Variants in TMEM171 observed in about 807,000 individuals in gnomAD.
TMEM171 encodes transmembrane protein 171, also known as proline-rich protein PRP2.
A neutral mutation model predicts 19.1 loss-of-function variants in TMEM171; 16 were observed. The ratio of observed to expected loss-of-function variants is 0.84; its 90% CI spans 0.57 to 1.27. The LOEUF is 1.27. Among genes scored for constraint, TMEM171 ranks in the 50% most tolerant of loss-of-function variants. TMEM171 has a pLI of 0.00. For missense variants in TMEM171, 429 were observed against 412.7 expected (o/e 1.04, Z -0.34); for synonymous variants, 153 against 163.4 (o/e 0.94, Z 0.48).
intron 2 of TMEM171, among the ~76,000 whole-genome samples, chr5:73,127,381 A>AT (rs1561513319): frequency 0.02 from 1,883 of 91,984 alleles, 49 homozygotes; most frequent in Admixed American, 0.067. Context: ...AAAAAAAAAA[A>AT]AAAATATATA....
In TMEM171 at chr5:73,123,817, A is replaced by G. The variant is rs1243128136; in HGVS notation, c.444A>G (p.Thr148=). Residue 148 remains threonine (T), a synonymous_variant, in exon 2 of 4, where the codon ACA becomes ACG. Transcript: ENST00000454765. The stretch of plus-strand genomic sequence containing the variant: ...GGGCGCAGGAACCGCTAAACGAGAC[A>G]GACACTGGCGACTCAGAGCCCCGGA... The part of the protein sequence containing the change: ...SNWAQEPLNE[T]DTGDSEPRMC... 2 of 1,612,580 alleles carry G rather than the reference A, an allele frequency of 1.2e-6. No homozygotes were observed. The highest frequency in any genetic ancestry group is 1.7e-6 in the Non-Finnish European group (2 of 1,179,120).
intron 3 of TMEM171, among the ~76,000 whole-genome samples, chr5:73,130,075 A>T (rs756103598): frequency 2.0e-5 from 3 of 151,774 alleles, no homozygotes; most frequent in Non-Finnish European, 4.4e-5. Context: ...AGAAGACGTG[A>T]GTGATGAGCT....
intron 3 of TMEM171, among the ~76,000 whole-genome samples, chr5:73,130,803 A>T (rs1744333949): frequency 6.6e-6 from 1 of 152,040 alleles, no homozygotes; most frequent in South Asian, 2.1e-4. Flanking sequence ...TAGAATTCTC[A>T]TCGTGAATGT....
chr5:73,121,089 T>C (rs190594260), intron 1 of TMEM171, among the ~76,000 whole-genome samples: 207 of 152,244 alleles, frequency 1.4e-3, no homozygotes, highest in African/African-American at 4.6e-3. Context: ...TATCCGTTTG[T>C]GAGTGCATCT....
Position 73,124,006 on chromosome 5 carries a change from C to T in TMEM171, c.633C>T (p.Val211=). 1 of 1,549,936 alleles carries T rather than the reference C, an allele frequency of 6.5e-7. No homozygotes were observed. Among genetic ancestry groups the T allele is most frequent in the East Asian group, 2.3e-5 (1 of 44,316 alleles). ...TCCAGATTATGGAGCCTGTCCAGGT[C>T]ACTGTAGGTGGGTTGCTGTTATTTG... ...GQIQIMEPVQ[V]TVGDSVIIFP... The change falls in exon 2 of 4, where the codon GTC becomes GTT. Residue 211 remains valine, a synonymous_variant. Coordinates refer to ENST00000454765, the MANE Select transcript of TMEM171 (RefSeq NM_173490.8).
intron 2 of TMEM171, among the ~76,000 whole-genome samples, chr5:73,127,384 AATATAT>A (rs59879336): frequency 5.4e-4 from 44 of 81,698 alleles, no homozygotes; most frequent in African/African-American, 1.7e-3. Context: ...AAAAAAAAAA[AATATAT>A]ATATATATAT....
In TMEM171 at chr5:73,123,992, G is replaced by C. The variant is rs1340486325; in HGVS notation, c.619G>C (p.Glu207Gln). ...AGAAGAGGGACAGATCCAGATTATG[G>C]AGCCTGTCCAGGTCACTGTAGGTGG... ...EREEGQIQIM[E>Q]PVQVTVGDSV... Residue 207 changes from glutamate (E) to glutamine (Q), a missense_variant, in exon 2 of 4, where the codon GAG (glutamate) becomes CAG (glutamine). Physicochemically the swap from Glu to Gln is conservative, Grantham distance 29. Transcript: ENST00000454765. The C allele has an allele frequency of 6.4e-7, 1 of 1,572,308 alleles. No homozygotes were observed. Among genetic ancestry groups the C allele is most frequent in the Admixed American group, 1.9e-5 (1 of 53,032 alleles).
intron 3 of TMEM171, among the ~76,000 whole-genome samples, chr5:73,130,396 G>C (rs1310864766): frequency 6.6e-6 from 1 of 152,172 alleles, no homozygotes; most frequent in Non-Finnish European, 1.5e-5. Flanking sequence ...ATTGTCACAG[G>C]GTGAAGCAGG....
intron 1 of TMEM171, among the ~76,000 whole-genome samples, chr5:73,121,325 C>T (rs1190140746): frequency 6.6e-6 from 1 of 152,092 alleles, no homozygotes; most frequent in Non-Finnish European, 1.5e-5. Context: ...ACTTTGCAGC[C>T]GAGAATCACC....
Position 73,123,289 on chromosome 5 carries a change from T to A in TMEM171, c.-68-17T>A, listed in dbSNP as rs1490459064. ...CACCTGTGCCCACGTTAATTTGGTG[T>A]TTGGTTGTGTTTGCAGAGCTGCTGA... On this transcript the variant is annotated splice_polypyrimidine_tract_variant and intron_variant, in intron 1 of 3. Transcript: ENST00000454765. 1.3e-6 allele frequency: 2 copies of A among 1,520,800 alleles called. No individual in the cohort carries two copies. The highest frequency in any genetic ancestry group is 1.8e-6 in the Non-Finnish European group (2 of 1,134,996). The allele number at this position is 1,520,800 out of a possible 1,614,324, so 94.2% of individuals were successfully genotyped here.
rs780490129 is a variant in TMEM171, at chr5:73,123,478, G to A, written c.105G>A (p.Val35=). Residue 35 remains valine (V), a synonymous_variant, in exon 2 of 4, where the codon GTG becomes GTA. Coordinates refer to ENST00000454765, the MANE Select transcript of TMEM171 (RefSeq NM_173490.8). The part of the protein sequence containing the change: ...FFVFGAVLLC[V]GVLLSIFGFQ... ...TCTTCGGCGCCGTCTTGTTGTGTGT[G>A]GGAGTCCTGCTCTCCATCTTTGGGT... The A allele has an allele frequency of 6.2e-7, 1 of 1,614,062 alleles. No homozygotes were observed. Among genetic ancestry groups the A allele is most frequent in the Non-Finnish European group, 8.5e-7 (1 of 1,180,026 alleles).
chr5:73,131,299 A>G (rs1487389953), intron 3 of TMEM171, among the ~76,000 whole-genome samples: 1 of 152,020 alleles, frequency 6.6e-6, no homozygotes, highest in East Asian at 1.9e-4. Context: ...TGTCTTTTCA[A>G]TGACAAAGGG....
intron 2 of TMEM171, among the ~76,000 whole-genome samples, chr5:73,125,208 T>C (rs1342738184): frequency 6.6e-6 from 1 of 152,220 alleles, no homozygotes; most frequent in Non-Finnish European, 1.5e-5. Context: ...ATATTTATGG[T>C]GACAACACAA....
chr5:73,121,697 A>G (rs533672954), intron 1 of TMEM171, among the ~76,000 whole-genome samples: 4 of 152,110 alleles, frequency 2.6e-5, no homozygotes, highest in East Asian at 1.9e-4. Context: ...TGATTCTATC[A>G]TACTTTTTCC....
In TMEM171 at chr5:73,128,543, A is replaced by C; in HGVS notation, c.782+12A>C. Reference sequence around the variant, plus strand: ...ATTTTCAACTATGGGTAAGAATTTCAATTTGAACTTCAAGAGAGGCCTGAA... The same window carrying C: ...ATTTTCAACTATGGGTAAGAATTTCCATTTGAACTTCAAGAGAGGCCTGAA... On this transcript the variant is annotated intron_variant, in intron 3 of 3. Transcript: ENST00000454765. 6.2e-7 allele frequency: 1 copy of C among 1,613,648 alleles called. No individual in the cohort carries two copies. The highest frequency in any genetic ancestry group is 8.5e-7 in the Non-Finnish European group (1 of 1,179,624).
At position 73,123,694 on chromosome 5, in the gene TMEM171, C is replaced by A. The variant is rs769751193; in HGVS notation, c.321C>A (p.Arg107=). The A allele has an allele frequency of 1.2e-6, 2 of 1,614,218 alleles. No homozygotes were observed. The highest frequency in any genetic ancestry group is 1.7e-6 in the Non-Finnish European group (2 of 1,180,040). ...GAGCCTTCATCTGTGGAGAGAGCCG[C>A]CAGTTTGCCCAGTGCCTTATCTTTG... ...PDRAFICGES[R]QFAQCLIFGF... The change falls in exon 2 of 4, where the codon CGC becomes CGA. Residue 107 remains arginine (R), a synonymous_variant. Coordinates refer to ENST00000454765, the MANE Select transcript of TMEM171 (RefSeq NM_173490.8).
rs141624186 is a variant in TMEM171 at position 73,131,606 on chromosome 5, C to T, written c.851C>T (p.Thr284Met). ...DCESIYTISG[T>M]NSSSEASHTP... ...GAATCTATATATACCATTTCTGGGA[C>T]GAATTCATCTTCTGAGGCCTCACAC... is the stretch of plus-strand genomic sequence containing the variant. The change falls in exon 4 of 4, where the codon ACG (threonine) becomes ATG (methionine). Residue 284 changes from threonine (T) to methionine (M), a missense_variant. Transcript: ENST00000454765. The T allele has an allele frequency of 2.7e-5, 43 of 1,613,598 alleles. No homozygotes were observed. Among genetic ancestry groups the T allele is most frequent in the Admixed American group, 1.8e-4 (11 of 59,944 alleles).
chr5:73,131,516 T>C (rs771363908), intron 3 of TMEM171, 22 bp from the exon 4 acceptor site: 1 of 1,557,754 alleles, frequency 6.4e-7, no homozygotes, highest in Non-Finnish European at 8.7e-7. Flanking sequence ...CTCCCCTTCA[T>C]GTTCTCTCTC....
chr5:73,131,353 T>C (rs1304617681), intron 3 of TMEM171, among the ~76,000 whole-genome samples, 185 bp from the exon 4 acceptor site: 1 of 152,034 alleles, frequency 6.6e-6, no homozygotes, highest in Admixed American at 6.6e-5. Context: ...CACTCAGCTC[T>C]AGGAAAAGGA....
Sources: allele counts gnomAD v4.1 joint callset (sites outside exome capture counted in the v4.1 genomes callset), GRCh38; gene constraint gnomAD v4.1.1; transcripts MANE v1.5; gene names NCBI Gene and HGNC (gene_info 2026-07-23, HGNC 2026-07-21).